Variants in TPRN observed in about 807,000 individuals in gnomAD.
TPRN encodes chromosome 9 open reading frame 75.
TPRN carries 32 observed loss-of-function variants against 42.6 expected under a neutral mutation model. The observed-to-expected ratio is 0.75, with a 90% CI of 0.57 to 1.01. The LOEUF (loss-of-function observed/expected upper bound fraction) is 1.01, where lower values mean the gene tolerates loss of function less well. TPRN is among the 50% of genes least tolerant of loss of function. TPRN has a pLI of 0.00. For missense variants in TPRN, 1,095 were observed against 957.5 expected (o/e 1.14, Z -1.90); for synonymous variants, 541 against 445.6 (o/e 1.21, Z -2.70).
rs926034809 is a variant in TPRN at position 137,192,490 on chromosome 9, C to T, written c.1927G>A (p.Val643Met). The T allele has an allele frequency of 5.0e-6, 8 of 1,605,812 alleles. No homozygotes were observed. Among genetic ancestry groups the T allele is most frequent in the South Asian group, 3.3e-5 (3 of 90,144 alleles). The change falls in exon 2 of 4, where the codon GTG becomes ATG. Residue 643 changes from valine to methionine, a missense_variant. Coordinates refer to ENST00000409012, the MANE Select transcript of TPRN (RefSeq NM_001128228.3). ...FLPRATFVSS[V>M]RPESSRLPEG... ...GGCAGCCGAGAGCTCTCGGGTCTCA[C>T]GCTGCTCACAAACGTGGCCCGGGGC...
chr9:137,200,505 CCG>C lies in TPRN; in HGVS notation c.205_206del (p.Arg69AlafsTer160). On this transcript the variant is annotated frameshift_variant, in exon 1 of 4. Coordinates refer to ENST00000409012, the MANE Select transcript of TPRN (RefSeq NM_001128228.3). LOFTEE classifies it high-confidence loss of function. This position sits in a 1 kb window ranked among gnomAD's most constrained non-coding sequence, Gnocchi z 4.3. ...GCGCCCCCGCCGCGCCCCCGCCGCG[CCG>C]CCGCTCGGCCTCCAGCAGCATGAAC... is the stretch of plus-strand genomic sequence containing the variant. ...NPFMLLEAER[R>X]RGGGAAGARL... 1 of 1,154,324 alleles carries C rather than the reference CCG, an allele frequency of 8.7e-7. No individual in the cohort carries two copies. The highest frequency in any genetic ancestry group is 2.7e-5 in the South Asian group (1 of 36,892). 71.5% of individuals were successfully genotyped at this position (1,154,324 alleles called of 1,614,324 possible).
At chr9:137,197,137 C>T (rs551344843) in intron 1 of TPRN, among the ~76,000 whole-genome samples, 3 of 152,262 alleles carry the variant, frequency 2.0e-5, no homozygotes, top group South Asian at 2.1e-4. Context: ...CTCACTCTGT[C>T]GCCCAGGCTG....
chr9:137,200,136 C>T lies in TPRN; in HGVS notation c.576G>A (p.Arg192=). ...PRGGGASPGA[R]RSDFLQKTGS... ...CGGTCTTCTGGAGGAAGTCGCTGCG[C>T]CGGGCCCCGGGGCTCGCCCCGCCAC... The change falls in exon 1 of 4, where the codon CGG becomes CGA. Residue 192 remains arginine, a synonymous_variant. Coordinates refer to ENST00000409012, the MANE Select transcript of TPRN (RefSeq NM_001128228.3). The surrounding 1 kb of genome is among the most constrained non-coding windows in gnomAD (Gnocchi z 4.3). The T allele has an allele frequency of 2.4e-6, 3 of 1,227,310 alleles. No homozygotes were observed. Among genetic ancestry groups the T allele is most frequent in the Non-Finnish European group, 3.0e-6 (3 of 985,786 alleles). The allele number at this position is 1,227,310 out of a possible 1,614,324, so 76.0% of individuals were successfully genotyped here. A position where few individuals can be genotyped will look rare whatever the true frequency, so the allele number is the denominator to read the frequency against.
rs768492645 is a variant in TPRN, at chr9:137,192,997, T to G, written c.1726-306A>C. 5.2e-5 allele frequency: 23 copies of G among 441,580 alleles called. 1 individual carries two copies. In the Middle Eastern group the frequency reaches 1.8e-3, roughly 36 times the overall value. The allele number at this position is 441,580 out of a possible 1,614,324, so 27.4% of individuals were successfully genotyped here. A position where few individuals can be genotyped will look rare whatever the true frequency, so the allele number is the denominator to read the frequency against. ...TAGACCAGCTCCTGGAGCTACCATCTCAGGCCCCTCCTGCTCTGCTGTCTG... is the reference window on the plus strand; with the variant it reads ...TAGACCAGCTCCTGGAGCTACCATCGCAGGCCCCTCCTGCTCTGCTGTCTG... On this transcript the variant is annotated intron_variant, in intron 1 of 3. Transcript: ENST00000409012.
chr9:137,194,910 C>T (rs1423282178), intron 1 of TPRN: 1 of 152,360 alleles, frequency 6.6e-6, no homozygotes, highest in Non-Finnish European at 1.5e-5. Flanking sequence ...GGGACTTTGC[C>T]TGGCACAGCC....
chr9:137,199,476 C>T lies in TPRN; in HGVS notation c.1236G>A (p.Arg412=), dbSNP rs1195664148. 1 of 1,596,528 alleles carries T rather than the reference C, an allele frequency of 6.3e-7. No homozygotes were observed. The highest frequency in any genetic ancestry group is 1.1e-5 in the South Asian group (1 of 89,188). Residue 412 remains arginine, a synonymous_variant, in exon 1 of 4, where the codon AGG becomes AGA. Coordinates refer to ENST00000409012, the MANE Select transcript of TPRN (RefSeq NM_001128228.3). ...TATALADRAI[R]WQRPSSPPPF... is the part of the protein sequence containing the mutation. ...GGGGCGGTGAGGACGGCCTCTGCCACCTAATAGCCCGGTCAGCGAGGGCGG... is the reference window on the plus strand; with the variant it reads ...GGGGCGGTGAGGACGGCCTCTGCCATCTAATAGCCCGGTCAGCGAGGGCGG...
chr9:137,193,780 CGGAGGCA>C (rs1371331516), intron 1 of TPRN: 1 of 152,528 alleles, frequency 6.6e-6, no homozygotes, highest in Non-Finnish European at 1.5e-5. Context: ...TAGAAGGACC[CGGAGGCA>C]GGAGCCGGGC....
Position 137,192,251 on chromosome 9 carries a change from C to T in TPRN, c.2073+8G>A. On this transcript the variant is annotated splice_region_variant and intron_variant, in intron 3 of 3. Transcript: ENST00000409012. ...CTCCCCCCAGCGCTCCACTCCCCCGCATCTCACCATGGCCTCCACGGGCGG... is the reference window on the plus strand; with the variant it reads ...CTCCCCCCAGCGCTCCACTCCCCCGTATCTCACCATGGCCTCCACGGGCGG... 1 of 1,613,164 alleles carries T rather than the reference C, an allele frequency of 6.2e-7. No homozygotes were observed. Among genetic ancestry groups the T allele is most frequent in the Non-Finnish European group, 8.5e-7 (1 of 1,180,006 alleles).
In TPRN at chr9:137,191,791, G is replaced by C. The variant is rs768372005; in HGVS notation, c.*321C>G. Reference sequence around the variant, plus strand: ...ACTGTGAGGCAGGCTGAGGAGACAGGACAGGGAATGGCCAGGTGCAGAATC... The same window carrying C: ...ACTGTGAGGCAGGCTGAGGAGACAGCACAGGGAATGGCCAGGTGCAGAATC... On this transcript the variant is annotated 3_prime_UTR_variant, in exon 4 of 4. Transcript: ENST00000409012. 2.2e-6 allele frequency: 1 copy of C among 455,352 alleles called. No individual in the cohort carries two copies. Among genetic ancestry groups the C allele is most frequent in the Non-Finnish European group, 4.1e-6 (1 of 244,596 alleles). 28.2% of individuals were successfully genotyped at this position (455,352 alleles called of 1,614,324 possible).
chr9:137,198,412 C>G (rs540422815), intron 1 of TPRN, among the ~76,000 whole-genome samples: 2 of 152,258 alleles, frequency 1.3e-5, no homozygotes, highest in African/African-American at 2.4e-5. Context: ...CAGGCATACA[C>G]GGCACTCCTG....
Position 137,199,593 on chromosome 9 carries a change from A to G in TPRN, c.1119T>C (p.Pro373=). The change falls in exon 1 of 4, where the codon CCT becomes CCC. Residue 373 remains proline, a synonymous_variant. Transcript: ENST00000409012. ...CGAGGGCAGGCGCACCATCCCCTCC[A>G]GGCACCGGCTGGGATCCGAGCTCCT... is the stretch of plus-strand genomic sequence containing the variant. ...PSQELGSQPV[P]GGDGAPALGK... 1.3e-6 allele frequency: 2 copies of G among 1,556,226 alleles called. No individual in the cohort carries two copies. The highest frequency in any genetic ancestry group is 8.7e-7 in the Non-Finnish European group (1 of 1,150,334).
rs770396072 is a variant in TPRN at position 137,198,990 on chromosome 9, C to A, written c.1722G>T (p.Lys574Asn). 1 of 1,612,924 alleles carries A rather than the reference C, an allele frequency of 6.2e-7. No homozygotes were observed. The highest frequency in any genetic ancestry group is 8.5e-7 in the Non-Finnish European group (1 of 1,179,966). ...TGGCCCTGCCCCCACCACTGACCTT[C>A]TTTCTTGAGGAGCCAGCCTTGGTGA... The part of the protein sequence containing the change: ...SCLTKAGSSR[K>N]KMKISFNDKS... Residue 574 changes from lysine to asparagine, a missense_variant, in exon 1 of 4, where the codon AAG becomes AAT. Coordinates refer to ENST00000409012, the MANE Select transcript of TPRN (RefSeq NM_001128228.3).
chr9:137,196,720 G>GC (rs1363709897), intron 1 of TPRN, among the ~76,000 whole-genome samples: 2 of 152,214 alleles, frequency 1.3e-5, no homozygotes, highest in Non-Finnish European at 2.9e-5. Flanking sequence ...GGACAGCCCT[G>GC]CCCCACAGCC....
At chr9:137,196,739 C>G (rs192712781) in intron 1 of TPRN, among the ~76,000 whole-genome samples, 2 of 152,226 alleles carry the variant, frequency 1.3e-5, no homozygotes, top group Non-Finnish European at 2.9e-5. Context: ...CCCACCGTGC[C>G]GAGGCCAGCA....
rs1460044984 is a variant in TPRN at position 137,200,339 on chromosome 9, C to G, written c.373G>C (p.Val125Leu). 9 of 1,030,994 alleles carry G rather than the reference C, an allele frequency of 8.7e-6. No homozygotes were observed. Among genetic ancestry groups the G allele is most frequent in the Non-Finnish European group, 1.0e-5 (9 of 864,608 alleles). 63.9% of individuals were successfully genotyped at this position (1,030,994 alleles called of 1,614,324 possible). A position where few individuals can be genotyped will look rare whatever the true frequency, so the allele number is the denominator to read the frequency against. The stretch of plus-strand genomic sequence containing the variant: ...ACGCGGCCGGGCGGCGCCCCGTACA[C>G]CAGCACCTCGGCGGCGCGGATCTGC... ...AAQIRAAEVL[V>L]YGAPPGRVSR... is the part of the protein sequence containing the mutation. Residue 125 changes from valine to leucine, a missense_variant, in exon 1 of 4, where the codon GTG becomes CTG. Transcript: ENST00000409012. This position sits in a 1 kb window ranked among gnomAD's most constrained non-coding sequence, Gnocchi z 4.3.
rs560679424 is a variant in TPRN, at chr9:137,199,500, G to A, written c.1212C>T (p.Thr404=). ...VEEGACPRTA[T]ALADRAIRWQ... is the part of the protein sequence containing the mutation. Reference sequence around the variant, plus strand: ...ACCTAATAGCCCGGTCAGCGAGGGCGGTGGCTGTCCTGGGACAGGCCCCCT... The same window carrying A: ...ACCTAATAGCCCGGTCAGCGAGGGCAGTGGCTGTCCTGGGACAGGCCCCCT... The change falls in exon 1 of 4, where the codon ACC becomes ACT. Residue 404 remains threonine, a synonymous_variant. Coordinates refer to ENST00000409012, the MANE Select transcript of TPRN (RefSeq NM_001128228.3). 19 of 1,582,774 alleles carry A rather than the reference G, an allele frequency of 1.2e-5. No homozygotes were observed. Among genetic ancestry groups the A allele is most frequent in the East Asian group, 4.7e-5 (2 of 43,006 alleles).
rs1834789332 is a variant in TPRN, at chr9:137,200,418, G to A, written c.294C>T (p.Leu98=). The A allele has an allele frequency of 5.3e-6, 6 of 1,124,552 alleles. No homozygotes were observed. The highest frequency in any genetic ancestry group is 1.7e-5 in the African/African-American group (1 of 59,216). 69.7% of individuals were successfully genotyped at this position (1,124,552 alleles called of 1,614,324 possible). Residue 98 remains leucine (L), a synonymous_variant, in exon 1 of 4, where the codon CTC becomes CTT. Transcript: ENST00000409012. The surrounding 1 kb of genome is among the most constrained non-coding windows in gnomAD (Gnocchi z 4.3). ...GVRALRADSV[L]IIETVPGFPP... ...GGAAGCCGGGCACCGTCTCGATGAT[G>A]AGGACGCTGTCGGCGCGGAGGGCGC...
Position 137,200,458 on chromosome 9 carries a change from C to G in TPRN, c.254G>C (p.Arg85Pro). 1 of 1,121,422 alleles carries G rather than the reference C, an allele frequency of 8.9e-7. No individual in the cohort carries two copies. Among genetic ancestry groups the G allele is most frequent in the South Asian group, 2.7e-5 (1 of 36,422 alleles). 69.5% of individuals were successfully genotyped at this position (1,121,422 alleles called of 1,614,324 possible). A position where few individuals can be genotyped will look rare whatever the true frequency, so the allele number is the denominator to read the frequency against. The change falls in exon 1 of 4, where the codon CGC becomes CCC. Residue 85 changes from arginine (R) to proline (P), a missense_variant. Transcript: ENST00000409012. The surrounding 1 kb of genome is among the most constrained non-coding windows in gnomAD (Gnocchi z 4.3). ...AGARLLERYR[R>P]VPGVRALRAD... Reference sequence around the variant, plus strand: ...GCGGAGGGCGCGCACGCCAGGCACGCGGCGGTACCGCTCCAGCAGCCGCGC... The same window carrying G: ...GCGGAGGGCGCGCACGCCAGGCACGGGGCGGTACCGCTCCAGCAGCCGCGC...
chr9:137,199,793 T>G lies in TPRN; in HGVS notation c.919A>C (p.Met307Leu). 1.9e-6 allele frequency: 3 copies of G among 1,605,842 alleles called. No homozygotes were observed. Among genetic ancestry groups the G allele is most frequent in the South Asian group, 1.1e-5 (1 of 89,878 alleles). ...FEIRPAPKPV[M>L]ETIPLGDLQA... Reference sequence around the variant, plus strand: ...AGGTCCCCCAAGGGGATGGTCTCCATAACTGGCTTGGGGGCCGGCCGTATC... The same window carrying G: ...AGGTCCCCCAAGGGGATGGTCTCCAGAACTGGCTTGGGGGCCGGCCGTATC... The change falls in exon 1 of 4, where the codon ATG becomes CTG. Residue 307 changes from methionine (M) to leucine (L), a missense_variant. By Grantham distance (15) the Met-to-Leu change is conservative (BLOSUM62 2). Coordinates refer to ENST00000409012, the MANE Select transcript of TPRN (RefSeq NM_001128228.3).
Sources: allele counts gnomAD v4.1 joint callset (sites outside exome capture counted in the v4.1 genomes callset), GRCh38; gene constraint gnomAD v4.1.1; non-coding constraint Gnocchi (gnomAD v3.1); transcripts MANE v1.5; gene names NCBI Gene and HGNC (gene_info 2026-07-23, HGNC 2026-07-21).